ARSF: variants seen among roughly 807,000 people sequenced by gnomAD.
ARSF encodes the protein arylsulfatase F.
Under a neutral mutation model 35.4 loss-of-function variants are expected in ARSF, and 33 were observed. That is an observed-to-expected ratio of 0.93 (90% CI 0.71 to 1.25). ARSF has a LOEUF of 1.25. ARSF is among the 50% of genes most tolerant of loss of function. The probability of loss-of-function intolerance (pLI) is 0.00; values close to 1 mark genes in which losing one functional copy is unlikely to be tolerated. For synonymous variants in ARSF, 222 were observed against 193.1 expected (o/e 1.15, Z -1.24); for missense variants, 501 against 480.2 (o/e 1.04, Z -0.40).
chrX:3,063,789 C>T (rs1603464190), intron 1 of ARSF, among the ~76,000 whole-genome samples: 2 of 111,681 alleles, frequency 1.8e-5, no homozygotes, highest in East Asian at 5.6e-4. Context: ...CAAACCACTG[C>T]TCAACGAAAT....
At chrX:3,111,971 G>C (rs1303505959) in intron 10 of ARSF, among the ~76,000 whole-genome samples, 1 of 111,051 alleles carries the variant, frequency 9.0e-6, no homozygotes. Context: ...CAACGATAGG[G>C]AATGGCTGTA....
At chrX:3,104,599 C>A (rs2090400942) in intron 9 of ARSF, among the ~76,000 whole-genome samples, 1 of 111,988 alleles carries the variant, frequency 8.9e-6, no homozygotes, top group Admixed American at 9.5e-5. Flanking sequence ...AGTTGGATTT[C>A]TGGATCACAT....
At chrX:3,083,980 T>G (rs958448952) in intron 5 of ARSF, among the ~76,000 whole-genome samples, 6 of 112,026 alleles carry the variant, frequency 5.4e-5, no homozygotes, top group Non-Finnish European at 1.1e-4. Flanking sequence ...AAACTCACAA[T>G]TCTATTTTTC....
intron 7 of ARSF, among the ~76,000 whole-genome samples, chrX:3,094,289 T>C (rs929222669): frequency 5.4e-5 from 6 of 111,884 alleles, no homozygotes; most frequent in African/African-American, 1.9e-4. Flanking sequence ...AGCTACCTCT[T>C]ATGCAGGGCA....
intron 1 of ARSF, among the ~76,000 whole-genome samples, chrX:3,046,536 G>A (rs768828341): frequency 2.1e-4 from 24 of 111,842 alleles, no homozygotes; most frequent in Admixed American, 2.9e-4. Context: ...ATTTAGAGAT[G>A]GATCCTACTC....
chrX:3,049,313 T>C (rs1220420116), intron 1 of ARSF, among the ~76,000 whole-genome samples: 1 of 83,814 alleles, frequency 1.2e-5, no homozygotes, highest in Non-Finnish European at 2.1e-5. Flanking sequence ...TTGATCAGAA[T>C]ACACAATTTA....
intron 3 of ARSF, among the ~76,000 whole-genome samples, chrX:3,073,703 G>T (rs969051383): frequency 4.3e-4 from 40 of 93,359 alleles, no homozygotes; most frequent in African/African-American, 1.4e-3. Flanking sequence ...TATAAATATA[G>T]ATTTATAATA....
At position 3,112,553 on chromosome X, in the gene ARSF, A is replaced by G; in HGVS notation, c.1770A>G (p.Arg590=). 8.3e-7 allele frequency: 1 copy of G among 1,198,520 alleles called. No homozygotes were observed. Among genetic ancestry groups the G allele is most frequent in the Non-Finnish European group, 1.1e-6 (1 of 890,182 alleles). The part of the protein sequence containing the change: ...VSQPRGPNEK[R] ...AGCCTCGGGGTCCTAACGAGAAGAGATAATTACAATCAGGCTACCAGAGGA... is the reference window on the plus strand; with the variant it reads ...AGCCTCGGGGTCCTAACGAGAAGAGGTAATTACAATCAGGCTACCAGAGGA... Residue 590 remains arginine (R), a synonymous_variant, in exon 11 of 11, where the codon AGA becomes AGG. Transcript: ENST00000381127.
chrX:3,067,685 C>A (rs2090074694), intron 1 of ARSF, among the ~76,000 whole-genome samples: 1 of 109,765 alleles, frequency 9.1e-6, no homozygotes, highest in African/African-American at 3.3e-5. Context: ...ATGCTGAAAC[C>A]CCATCTCTAC....
intron 1 of ARSF, among the ~76,000 whole-genome samples, chrX:3,055,342 C>CAAAA (rs770014108): frequency 9.2e-5 from 3 of 32,460 alleles, no homozygotes; most frequent in Non-Finnish European, 1.7e-4. Context: ...AACTCCATTT[C>CAAAA]AAAAAAAAAA....
rs1471178752 is a variant in ARSF, at chrX:3,089,358, G to A, written c.831-138G>A. The A allele has an allele frequency of 7.6e-6, 5 of 661,089 alleles. No homozygotes were observed. The East Asian group carries it at 1.4e-4, about 19-fold the overall frequency. 54.5% of individuals were successfully genotyped at this position (661,089 alleles called of 1,213,427 possible). A position where few individuals can be genotyped will look rare whatever the true frequency, so the allele number is the denominator to read the frequency against. ...ATGGAGTCCATTCTATGCAGGATGGGGCCCTTGGGTGGACCCACTCTATCT... is the reference window on the plus strand; with the variant it reads ...ATGGAGTCCATTCTATGCAGGATGGAGCCCTTGGGTGGACCCACTCTATCT... On this transcript the variant is annotated intron_variant, in intron 6 of 10. Coordinates refer to ENST00000381127, the MANE Select transcript of ARSF (RefSeq NM_001201539.2).
Position 3,103,805 on chromosome X carries a change from A to G in ARSF, c.1146A>G (p.Pro382=), listed in dbSNP as rs1432514851. 1.7e-6 allele frequency: 2 copies of G among 1,212,043 alleles called. No individual in the cohort carries two copies. The highest frequency in any genetic ancestry group is 4.3e-5 in the Admixed American group (2 of 46,052). The change falls in exon 9 of 11, where the codon CCA becomes CCG. Residue 382 remains proline (P), a synonymous_variant. Transcript: ENST00000381127. ...GCTGGGAAGGTGGAATCCGCGTCCC[A>G]GGAATTGTCCGATGGCCTGGAAAGG... ...MGGWEGGIRV[P]GIVRWPGKVP...
intron 3 of ARSF, among the ~76,000 whole-genome samples, chrX:3,076,138 C>T (rs2090147197): frequency 9.7e-6 from 1 of 103,344 alleles, no homozygotes; most frequent in Non-Finnish European, 2.0e-5. Context: ...TCTCTCTTGT[C>T]TTCTCTCTGT....
chrX:3,110,080 C>T (rs771930660), intron 9 of ARSF, 48 bp from the exon 10 acceptor site: 73 of 1,097,704 alleles, frequency 6.7e-5, no homozygotes, highest in East Asian at 2.0e-4. Context: ...TGGGACCCAA[C>T]GTCCCTTCTC....
Position 3,101,185 on chromosome X carries a change from C to T in ARSF, c.1066C>T (p.His356Tyr), listed in dbSNP as rs754199011. 4 of 1,209,290 alleles carry T rather than the reference C, an allele frequency of 3.3e-6. No individual in the cohort carries two copies. In the East Asian group the frequency reaches 1.2e-4, roughly 36 times the overall value. The change falls in exon 8 of 11, where the codon CAT becomes TAT. Residue 356 changes from histidine (H) to tyrosine (Y), a missense_variant. His to Tyr is a moderately conservative substitution (Grantham distance 83, BLOSUM62 2). Transcript: ENST00000381127. ...HGGHLEARRG[H>Y]AQLGGWNGIY... ...AGGGCATTTGGAAGCTAGGCGAGGGCATGCCCAACTTGGTGGATGGAATGG... is the reference window on the plus strand; with the variant it reads ...AGGGCATTTGGAAGCTAGGCGAGGGTATGCCCAACTTGGTGGATGGAATGG...
chrX:3,050,800 G>A (rs2089994297), intron 1 of ARSF, among the ~76,000 whole-genome samples: 1 of 110,830 alleles, frequency 9.0e-6, no homozygotes, highest in South Asian at 3.9e-4. Context: ...GGAGTTGGAC[G>A]CATGCTCACT....
Position 3,076,540 on chromosome X carries a change from C to A in ARSF, c.162-8C>A. On this transcript the variant is annotated splice_polypyrimidine_tract_variant and splice_region_variant and intron_variant, in intron 3 of 10. Coordinates refer to ENST00000381127, the MANE Select transcript of ARSF (RefSeq NM_001201539.2). ...TCTCTCCAATACACCTTCCCTCTCC[C>A]CCTTCAGGACGCCTCACATCGACCG... 8.4e-7 allele frequency: 1 copy of A among 1,197,452 alleles called. No individual in the cohort carries two copies. The highest frequency in any genetic ancestry group is 3.0e-5 in the East Asian group (1 of 33,315).
At chrX:3,054,146 A>G (rs2090008244) in intron 1 of ARSF, among the ~76,000 whole-genome samples, 1 of 111,613 alleles carries the variant, frequency 9.0e-6, no homozygotes, top group Non-Finnish European at 1.9e-5. Flanking sequence ...CACTCACTTT[A>G]CAGTGTGTGC....
intron 1 of ARSF, among the ~76,000 whole-genome samples, chrX:3,049,772 T>G (rs1245736339): frequency 8.9e-6 from 1 of 111,811 alleles, no homozygotes; most frequent in East Asian, 2.8e-4. Context: ...ATTAATAAAT[T>G]AACAAACAAA....
Sources: gnomAD v4.1 joint callset for allele counts (sites outside exome capture counted in the v4.1 genomes callset) on GRCh38, gnomAD v4.1.1 for gene constraint, MANE v1.5 for transcripts, NCBI Gene and HGNC (gene_info 2026-07-23, HGNC 2026-07-21) for gene names.